HGSNAT: variants seen among roughly 807,000 people sequenced by gnomAD.
The protein encoded by HGSNAT is heparan-alpha-glucosaminide N-acetyltransferase, also known as transmembrane protein 76.
Under a neutral mutation model 85.2 loss-of-function variants are expected in HGSNAT, and 59 were observed. The ratio of observed to expected loss-of-function variants is 0.69; its 90% CI spans 0.56 to 0.86. The LOEUF (loss-of-function observed/expected upper bound fraction) is 0.86. Among genes scored for constraint, HGSNAT ranks in the 40% least tolerant of loss-of-function variants. The pLI is 0.00. For synonymous variants in HGSNAT, 321 were observed against 304.5 expected (o/e 1.05, Z -0.56); for missense variants, 756 against 777.1 (o/e 0.97, Z 0.32).
chr8:43,141,323 C>T (rs563717661), intron 1 of HGSNAT, among the ~76,000 whole-genome samples: 181 of 152,140 alleles, frequency 1.2e-3, no homozygotes, highest in African/African-American at 4.2e-3. Flanking sequence ...TGGGAGGGGC[C>T]GGGCTGGGCG....
At position 43,140,947 on chromosome 8, in the gene HGSNAT, C is replaced by T. The variant is rs62517626; in HGVS notation, c.118+333C>T. Among the ~76,000 whole-genome samples the T allele has an allele frequency of 0.048, 7,287 of 152,266 alleles. 233 individuals carry two copies. Among genetic ancestry groups the T allele is most frequent in the South Asian group, 0.082 (394 of 4,828 alleles). Reference sequence around the variant, plus strand: ...AGGCCGCGGATCGGGACGCCGGGACCCCACAAACTGGCAGCCAGGAGGCGG... The same window carrying T: ...AGGCCGCGGATCGGGACGCCGGGACTCCACAAACTGGCAGCCAGGAGGCGG... On this transcript the variant is annotated intron_variant, in intron 1 of 17. Coordinates refer to ENST00000379644, the MANE Select transcript of HGSNAT (RefSeq NM_152419.3).
At chr8:43,196,239 T>C (rs992215858) in intron 14 of HGSNAT, 1 of 340,394 alleles carries the variant, frequency 2.9e-6, no homozygotes, top group Non-Finnish European at 5.8e-6. Flanking sequence ...AACTGGCACA[T>C]AAAAAATGTT....
intron 11 of HGSNAT, among the ~76,000 whole-genome samples, chr8:43,184,912 G>C (rs1804254916): frequency 6.6e-6 from 1 of 152,124 alleles, no homozygotes; most frequent in South Asian, 2.1e-4. Context: ...CCCATTTCTT[G>C]TTTTTGTCAG....
intron 17 of HGSNAT, among the ~76,000 whole-genome samples, chr8:43,198,389 G>A (rs1037382911): frequency 4.1e-5 from 6 of 145,182 alleles, no homozygotes; most frequent in East Asian, 2.1e-4. Context: ...CCAGGTTCAC[G>A]CCATTCTCCT....
intron 10 of HGSNAT, among the ~76,000 whole-genome samples, chr8:43,178,594 C>CTTTTTTTTTTTTTT (rs58996359): frequency 2.1e-5 from 2 of 96,916 alleles, no homozygotes; most frequent in African/African-American, 3.6e-5. Flanking sequence ...CATCAGCTTT[C>CTTTTTTTTTTTTTT]TTTTTTTTTT....
intron 15 of HGSNAT, 148 bp from the exon 16 acceptor site, chr8:43,197,524 A>G: frequency 3.1e-6 from 2 of 636,038 alleles, no homozygotes; most frequent in Non-Finnish European, 5.5e-6. Context: ...ATTTAAAAAA[A>G]TATGTTTCCA....
At chr8:43,150,304 G>A (rs1365695038) in intron 2 of HGSNAT, among the ~76,000 whole-genome samples, 2 of 151,884 alleles carry the variant, frequency 1.3e-5, no homozygotes, top group African/African-American at 4.8e-5. Context: ...AACAGTTAAT[G>A]TTTCTGTATC....
chr8:43,152,175 C>T (rs1021038327), intron 2 of HGSNAT, among the ~76,000 whole-genome samples: 5 of 152,026 alleles, frequency 3.3e-5, no homozygotes, highest in Admixed American at 1.3e-4. Flanking sequence ...CTTGTAGTAC[C>T]AGTTACTTGG....
At chr8:43,197,782 A>G in intron 16 of HGSNAT, 40 bp downstream of exon 16, 2 of 1,600,234 alleles carry the variant, frequency 1.2e-6, no homozygotes, top group Non-Finnish European at 1.7e-6. Context: ...ATGACTGTTC[A>G]TGCTGAAATT....
chr8:43,192,507 C>A, intron 13 of HGSNAT, 77 bp downstream of exon 13: 6 of 1,464,630 alleles, frequency 4.1e-6, no homozygotes, highest in Non-Finnish European at 5.5e-6. Flanking sequence ...AGCCAGCAAA[C>A]GTTAAACCAT....
intron 1 of HGSNAT, among the ~76,000 whole-genome samples, chr8:43,141,389 C>A (rs1802535270): frequency 6.6e-6 from 1 of 152,118 alleles, no homozygotes. Flanking sequence ...GCTTAAGAGG[C>A]GCTCAGCTCA....
intron 10 of HGSNAT, 188 bp from the exon 11 acceptor site, chr8:43,181,957 G>A (rs1042572745): frequency 1.5e-5 from 9 of 606,612 alleles, no homozygotes; most frequent in Admixed American, 2.9e-5. Context: ...AAGAGGGATT[G>A]GCCTGTTTTT....
chr8:43,141,239 C>G (rs1000145976), intron 1 of HGSNAT, among the ~76,000 whole-genome samples: 2 of 152,154 alleles, frequency 1.3e-5, no homozygotes, highest in African/African-American at 4.8e-5. Flanking sequence ...CCCGGGCGAG[C>G]CCTCCGCGCG....
chr8:43,162,554 ATT>A (rs34568555), intron 5 of HGSNAT, among the ~76,000 whole-genome samples: 2 of 143,334 alleles, frequency 1.4e-5, no homozygotes, highest in Non-Finnish European at 1.5e-5. Context: ...TCTATTATGG[ATT>A]TTTTTTTTTT....
intron 1 of HGSNAT, among the ~76,000 whole-genome samples, chr8:43,144,073 CT>C (rs1468205739): frequency 6.6e-6 from 1 of 151,942 alleles, no homozygotes. Context: ...AGTCCTAGCA[CT>C]TTTGGGAGGT....
chr8:43,194,919 C>T (rs1242789371), intron 14 of HGSNAT, among the ~76,000 whole-genome samples: 1 of 152,094 alleles, frequency 6.6e-6, no homozygotes, highest in Non-Finnish European at 1.5e-5. Context: ...CTTGGACTTC[C>T]CAACCTTCAG....
chr8:43,175,072 T>G (rs140049589), intron 9 of HGSNAT, among the ~76,000 whole-genome samples: 1 of 152,330 alleles, frequency 6.6e-6, no homozygotes, highest in East Asian at 1.9e-4. Flanking sequence ...TCTCATTCTT[T>G]TTTATGGCTG....
chr8:43,158,894 C>G, intron 3 of HGSNAT, 29 bp from the exon 4 acceptor site: 2 of 1,590,512 alleles, frequency 1.3e-6, no homozygotes, highest in Non-Finnish European at 1.7e-6. Flanking sequence ...AATCTAACCA[C>G]TTGTCTTAAT....
At chr8:43,150,196 G>A (rs966178552) in intron 2 of HGSNAT, among the ~76,000 whole-genome samples, 1 of 152,062 alleles carries the variant, frequency 6.6e-6, no homozygotes, top group East Asian at 1.9e-4. Context: ...CTTGTGATCC[G>A]CCCGCCTCAG....
Sources: gnomAD v4.1 joint callset for allele counts (sites outside exome capture counted in the v4.1 genomes callset) on GRCh38, gnomAD v4.1.1 for gene constraint, MANE v1.5 for transcripts, NCBI Gene and HGNC (gene_info 2026-07-23, HGNC 2026-07-21) for gene names.